Variants in MMP16 observed in about 807,000 individuals in gnomAD.
MMP16 encodes matrix metalloproteinase-16.
MMP16 carries 12 observed loss-of-function variants against 67.8 expected under a neutral mutation model. The ratio of observed to expected loss-of-function variants is 0.18; its 90% CI spans 0.11 to 0.29. The LOEUF is 0.29. MMP16 is among the 10% of genes least tolerant of loss of function. MMP16 has a pLI of 1.00. For missense variants in MMP16, 475 were observed against 765.7 expected, an observed-to-expected ratio of 0.62 and a Z score of 4.48; for synonymous variants, 249 against 255.9, an observed-to-expected ratio of 0.97 and a Z score of 0.26.
chr8:88,317,302 C>T (rs1017759328), intron 1 of MMP16, among the ~76,000 whole-genome samples: 1 of 152,166 alleles, frequency 6.6e-6, no homozygotes, highest in African/African-American at 2.4e-5. Context: ...GAAGCTGCCA[C>T]AGCCACCCTC....
intron 6 of MMP16, among the ~76,000 whole-genome samples, chr8:88,106,907 T>C (rs188933830): frequency 3.3e-5 from 5 of 151,352 alleles, no homozygotes; most frequent in African/African-American, 4.8e-5. Flanking sequence ...CTATATTAAA[T>C]GTTATTAAAT....
intron 7 of MMP16, among the ~76,000 whole-genome samples, chr8:88,072,293 A>G (rs938174147): frequency 3.3e-5 from 5 of 151,812 alleles, no homozygotes; most frequent in Admixed American, 1.3e-4. Flanking sequence ...GGGTGCTAGG[A>G]CTCTCACTCC....
intron 1 of MMP16, among the ~76,000 whole-genome samples, chr8:88,230,585 A>G (rs900513186): frequency 6.6e-6 from 1 of 151,808 alleles, no homozygotes; most frequent in African/African-American, 2.4e-5. Context: ...GAAACAAAAA[A>G]TAAGTCTCCC....
intron 1 of MMP16, among the ~76,000 whole-genome samples, chr8:88,265,558 T>G (rs1322602399): frequency 6.6e-6 from 1 of 152,116 alleles, no homozygotes; most frequent in Non-Finnish European, 1.5e-5. Context: ...ATATGTAGAC[T>G]TGGACAAGTT....
chr8:88,293,632 A>G (rs949824107), intron 1 of MMP16, among the ~76,000 whole-genome samples: 7 of 152,120 alleles, frequency 4.6e-5, no homozygotes, highest in Non-Finnish European at 8.8e-5. Flanking sequence ...ATATATATTT[A>G]AAGCTAATTT....
chr8:88,203,286 G>C (rs1809373587), intron 1 of MMP16, among the ~76,000 whole-genome samples: 1 of 151,684 alleles, frequency 6.6e-6, no homozygotes, highest in South Asian at 2.1e-4. Flanking sequence ...TGTATTTTTA[G>C]TAGAGACGAG....
At chr8:88,302,783 A>C (rs1328671662) in intron 1 of MMP16, among the ~76,000 whole-genome samples, 1 of 152,188 alleles carries the variant, frequency 6.6e-6, no homozygotes, top group African/African-American at 2.4e-5. Flanking sequence ...AATGAAAGCA[A>C]GGGACGAATT....
In MMP16 at chr8:88,116,681, T is replaced by C; in HGVS notation, c.909A>G (p.Leu303=). 2 of 1,611,778 alleles carry C rather than the reference T, an allele frequency of 1.2e-6. No homozygotes were observed. Among genetic ancestry groups the C allele is most frequent in the Non-Finnish European group, 1.7e-6 (2 of 1,178,090 alleles). Residue 303 remains leucine, a synonymous_variant, in exon 6 of 10, where the codon CTA becomes CTG. Transcript: ENST00000286614. ...TAGAGCGGTGTGGGGGCACTGTCGGTAGAGGTCTTGTAGGTGGAGGAATCT... is the reference window on the plus strand; with the variant it reads ...TAGAGCGGTGTGGGGGCACTGTCGGCAGAGGTCTTGTAGGTGGAGGAATCT... ...PDKIPPPTRP[L]PTVPPHRSIP... is the part of the protein sequence containing the mutation.
chr8:88,177,154 C>A (rs930987038), intron 3 of MMP16, among the ~76,000 whole-genome samples: 2 of 151,874 alleles, frequency 1.3e-5, no homozygotes, highest in African/African-American at 4.8e-5. Context: ...TTAAATGGTG[C>A]CTTTGTAAAG....
At chr8:88,073,739 C>T (rs2118278962) in intron 7 of MMP16, among the ~76,000 whole-genome samples, 1 of 152,226 alleles carries the variant, frequency 6.6e-6, no homozygotes, top group South Asian at 2.1e-4. Flanking sequence ...TAGTTTGATT[C>T]TGGGAATAAT....
At chr8:88,166,725 A>G (rs1180794373) in intron 4 of MMP16, among the ~76,000 whole-genome samples, 9 of 124,894 alleles carry the variant, frequency 7.2e-5, no homozygotes, top group Admixed American at 3.3e-4. Context: ...ATATATATAT[A>G]TATATTCTTA....
intron 6 of MMP16, among the ~76,000 whole-genome samples, chr8:88,097,755 T>C (rs951210916): frequency 1.3e-5 from 2 of 151,868 alleles, no homozygotes; most frequent in Non-Finnish European, 2.9e-5. Flanking sequence ...TAATTCAGTT[T>C]GTTAAAGAAT....
At chr8:88,138,242 AC>A (rs1808155748) in intron 4 of MMP16, among the ~76,000 whole-genome samples, 1 of 151,890 alleles carries the variant, frequency 6.6e-6, no homozygotes. Context: ...TGGGCAAATC[AC>A]CTGTGTCCTA....
chr8:88,286,615 G>C (rs145414921), intron 1 of MMP16, among the ~76,000 whole-genome samples: 1 of 151,082 alleles, frequency 6.6e-6, no homozygotes, highest in Admixed American at 6.6e-5. Context: ...TGGCTCTGTC[G>C]CCCAGGCTGG....
intron 9 of MMP16, among the ~76,000 whole-genome samples, chr8:88,042,065 C>T (rs548600975): frequency 6.6e-6 from 1 of 152,254 alleles, no homozygotes; most frequent in African/African-American, 2.4e-5. Flanking sequence ...CCATGCTATG[C>T]AGTCTACTCC....
Position 88,186,457 on chromosome 8 carries a change from T to C in MMP16, c.404+19A>G. 1 of 1,612,196 alleles carries C rather than the reference T, an allele frequency of 6.2e-7. No homozygotes were observed. Among genetic ancestry groups the C allele is most frequent in the Non-Finnish European group, 8.5e-7 (1 of 1,179,080 alleles). On this transcript the variant is annotated intron_variant, in intron 3 of 9. Coordinates refer to ENST00000286614, the MANE Select transcript of MMP16 (RefSeq NM_005941.5). ...ATGAAATATGGGGAAAAGGGGAGAT[T>C]AATCGTGAGTTCTTATACCTGTAAG...
At chr8:88,209,825 C>T (rs1019568305) in intron 1 of MMP16, among the ~76,000 whole-genome samples, 4 of 152,148 alleles carry the variant, frequency 2.6e-5, no homozygotes, top group African/African-American at 7.2e-5. Context: ...TATCCCATTA[C>T]ATGTATATAC....
intron 4 of MMP16, among the ~76,000 whole-genome samples, chr8:88,126,013 T>A (rs912532658): frequency 6.6e-6 from 1 of 151,920 alleles, no homozygotes; most frequent in Non-Finnish European, 1.5e-5. Context: ...ATTATTTTTA[T>A]TTCCAAAATA....
rs144938018 is a variant in MMP16 at position 88,084,190 on chromosome 8, C to T, written c.1084-9447G>A. Among the ~76,000 whole-genome samples, 115 of 152,114 alleles carry T rather than the reference C, an allele frequency of 7.6e-4. 2 individuals are homozygous for T. In the East Asian group the frequency reaches 0.013, roughly 17 times the overall value. On this transcript the variant is annotated intron_variant, in intron 6 of 9. Coordinates refer to ENST00000286614, the MANE Select transcript of MMP16 (RefSeq NM_005941.5). ...TTGCCACCCTAAGCATCAAGGATTG[C>T]ATCAGTGATAGTGGACATCTTGATA... is the stretch of plus-strand genomic sequence containing the variant.
Sources: gnomAD v4.1 joint callset for allele counts (sites outside exome capture counted in the v4.1 genomes callset) on GRCh38, gnomAD v4.1.1 for gene constraint, MANE v1.5 for transcripts, NCBI Gene and HGNC (gene_info 2026-07-23, HGNC 2026-07-21) for gene names.